The following PLXNA4 variants were observed in gnomAD, a reference collection of about 807,000 sequenced individuals.
The protein encoded by PLXNA4 is plexin A4, also known as plexin-A4.
Under a neutral mutation model 191.8 loss-of-function variants are expected in PLXNA4, and 44 were observed. That is an observed-to-expected ratio of 0.23 (90% CI 0.18 to 0.29). PLXNA4 has a LOEUF of 0.29. Among genes scored for constraint, PLXNA4 ranks in the 10% least tolerant of loss-of-function variants. The pLI is 1.00. For missense variants in PLXNA4, 1,800 were observed against 2,488.8 expected (o/e 0.72, Z 5.89); for synonymous variants, 1,082 against 1,009.5 (o/e 1.07, Z -1.36).
chr7:132,293,902 G>A (rs1000029760), intron 4 of PLXNA4, among the ~76,000 whole-genome samples: 12 of 152,190 alleles, frequency 7.9e-5, no homozygotes, highest in African/African-American at 2.9e-4. Flanking sequence ...TGAAACCACA[G>A]CTCTCTTGAG....
chr7:132,225,896 A>C (rs1246568599), intron 8 of PLXNA4, among the ~76,000 whole-genome samples: 1 of 152,184 alleles, frequency 6.6e-6, no homozygotes, highest in African/African-American at 2.4e-5. Context: ...AGGGATGTGG[A>C]GAGCCCCACT....
chr7:132,177,009 G>A (rs959255666), intron 20 of PLXNA4, among the ~76,000 whole-genome samples: 1 of 151,800 alleles, frequency 6.6e-6, no homozygotes, highest in Non-Finnish European at 1.5e-5. Flanking sequence ...GCATGTGTAT[G>A]CATGTGCAAG....
chr7:132,313,284 G>A (rs528595422), intron 3 of PLXNA4, among the ~76,000 whole-genome samples: 1 of 152,306 alleles, frequency 6.6e-6, no homozygotes, highest in East Asian at 1.9e-4. Context: ...TTGGATGGTG[G>A]GAGTCTGAGA....
intron 3 of PLXNA4, among the ~76,000 whole-genome samples, chr7:132,426,524 A>G (rs1374740116): frequency 6.6e-6 from 1 of 152,206 alleles, no homozygotes; most frequent in Non-Finnish European, 1.5e-5. Flanking sequence ...CATTCTATAC[A>G]TGGAAACTTA....
chr7:132,238,409 T>C (rs1352521442), intron 5 of PLXNA4, among the ~76,000 whole-genome samples: 2 of 152,144 alleles, frequency 1.3e-5, no homozygotes, highest in African/African-American at 4.8e-5. Context: ...TGCACTTGTT[T>C]AAAGCCCCAC....
At chr7:132,643,935 G>GGA (rs1253786578) in intron 2 of PLXNA4, among the ~76,000 whole-genome samples, 1 of 151,980 alleles carries the variant, frequency 6.6e-6, no homozygotes, top group African/African-American at 2.4e-5. Context: ...CTGGGTGAAA[G>GGA]GAGACCCTGT....
chr7:132,207,718 T>A (rs1472851613), intron 10 of PLXNA4, among the ~76,000 whole-genome samples: 1 of 152,212 alleles, frequency 6.6e-6, no homozygotes, highest in Admixed American at 6.5e-5. Flanking sequence ...CATCACAAAC[T>A]CATGGATTTC....
At chr7:132,297,688 G>A (rs1275302011) in intron 4 of PLXNA4, among the ~76,000 whole-genome samples, 2 of 152,076 alleles carry the variant, frequency 1.3e-5, no homozygotes, top group East Asian at 3.9e-4. Flanking sequence ...ACACTCTTTT[G>A]GCAATAAATT....
chr7:132,621,463 G>A (rs914945356), intron 2 of PLXNA4, among the ~76,000 whole-genome samples: 1 of 152,042 alleles, frequency 6.6e-6, no homozygotes, highest in East Asian at 1.9e-4. Flanking sequence ...GTTTCACCAT[G>A]TTGGCCAGGA....
intron 2 of PLXNA4, among the ~76,000 whole-genome samples, chr7:132,638,154 C>T (rs1217039304): frequency 6.6e-6 from 1 of 152,220 alleles, no homozygotes; most frequent in Admixed American, 6.5e-5. Flanking sequence ...CTCCTCCCTA[C>T]ACAGCTGTGT....
chr7:132,206,651 T>G (rs1470363585), intron 10 of PLXNA4, among the ~76,000 whole-genome samples: 1 of 152,118 alleles, frequency 6.6e-6, no homozygotes, highest in Admixed American at 6.5e-5. Flanking sequence ...TCTAGGGAAG[T>G]TTCCATTGTT....
chr7:132,152,235 C>T (rs1795667319), intron 25 of PLXNA4, among the ~76,000 whole-genome samples: 3 of 152,186 alleles, frequency 2.0e-5, no homozygotes, highest in Admixed American at 6.5e-5. Flanking sequence ...AGGAACAGTG[C>T]CCTCTCCTAA....
chr7:132,384,368 G>A, intron 3 of PLXNA4: 3 of 985,462 alleles, frequency 3.0e-6, no homozygotes, highest in Non-Finnish European at 3.6e-6. Flanking sequence ...AGAAATGATA[G>A]GAGCACATGA....
Position 132,127,521 on chromosome 7 carries a change from T to G in PLXNA4, c.*2958A>C, listed in dbSNP as rs1034294532. ...AGGACAGCTTTTTGACAATGTTGCT[T>G]GTCTTTGCTTTTAAATACCATATCA... On this transcript the variant is annotated 3_prime_UTR_variant, in exon 32 of 32. Coordinates refer to ENST00000321063, the MANE Select transcript of PLXNA4 (RefSeq NM_020911.2). The G allele has an allele frequency of 2.6e-5, 4 of 152,168 alleles. No homozygotes were observed. Among genetic ancestry groups the G allele is most frequent in the African/African-American group, 9.7e-5 (4 of 41,436 alleles). The allele number at this position is 152,168 out of a possible 1,614,324, so 9.4% of individuals were successfully genotyped here.
chr7:132,402,510 CAG>C, intron 3 of PLXNA4, among the ~76,000 whole-genome samples: 1 of 152,188 alleles, frequency 6.6e-6, no homozygotes, highest in Non-Finnish European at 1.5e-5. Flanking sequence ...AACATACACA[CAG>C]GGGAGAGGGG....
intron 3 of PLXNA4, among the ~76,000 whole-genome samples, chr7:132,412,569 C>T (rs1486315765): frequency 6.6e-6 from 1 of 152,168 alleles, no homozygotes; most frequent in Non-Finnish European, 1.5e-5. Flanking sequence ...GCATAGAGGG[C>T]AATTGCTTTT....
intron 4 of PLXNA4, among the ~76,000 whole-genome samples, chr7:132,247,961 C>A (rs1197361763): frequency 6.6e-6 from 1 of 152,200 alleles, no homozygotes; most frequent in Non-Finnish European, 1.5e-5. Context: ...AGTCCCAATT[C>A]TTCACTCCCT....
intron 5 of PLXNA4, among the ~76,000 whole-genome samples, chr7:132,234,247 C>T (rs1798620210): frequency 6.6e-6 from 1 of 152,206 alleles, no homozygotes; most frequent in Non-Finnish European, 1.5e-5. Context: ...TGATTCTCAT[C>T]AACTTTACAC....
At chr7:132,257,741 C>T (rs1458922688) in intron 4 of PLXNA4, among the ~76,000 whole-genome samples, 2 of 152,190 alleles carry the variant, frequency 1.3e-5, no homozygotes, top group Non-Finnish European at 2.9e-5. Context: ...GACACAGATG[C>T]TCAGTTGTGG....
Sources: gnomAD v4.1 joint callset for allele counts (sites outside exome capture counted in the v4.1 genomes callset) on GRCh38, gnomAD v4.1.1 for gene constraint, MANE v1.5 for transcripts, NCBI Gene and HGNC (gene_info 2026-07-23, HGNC 2026-07-21) for gene names.